The following BICD1 variants were observed in gnomAD, a reference collection of about 807,000 sequenced individuals.
BICD1 encodes the protein BICD cargo adaptor 1.
Under a neutral mutation model 92.5 loss-of-function variants are expected in BICD1, and 35 were observed. The ratio of observed to expected loss-of-function variants is 0.38; its 90% CI spans 0.29 to 0.50. BICD1 has a LOEUF of 0.50. Among genes scored for constraint, BICD1 ranks in the 20% least tolerant of loss-of-function variants. BICD1 has a pLI of 0.93. For missense variants in BICD1, 950 were observed against 1,189.8 expected (o/e 0.80, Z 2.97); for synonymous variants, 429 against 465.1 (o/e 0.92, Z 1.00).
chr12:32,130,397 G>A (rs1040543667), intron 1 of BICD1, among the ~76,000 whole-genome samples: 4 of 152,000 alleles, frequency 2.6e-5, no homozygotes, highest in Non-Finnish European at 5.9e-5. Flanking sequence ...TAGAGACGGG[G>A]TTTCACCGTG....
intron 1 of BICD1, among the ~76,000 whole-genome samples, chr12:32,155,087 A>G (rs1293290054): frequency 6.6e-6 from 1 of 152,138 alleles, no homozygotes; most frequent in African/African-American, 2.4e-5. Context: ...TTTGAATGAC[A>G]TTTATTATTT....
At position 32,334,684 on chromosome 12, in the gene BICD1, C is replaced by G; in HGVS notation, c.2252+17C>G. 6.2e-7 allele frequency: 1 copy of G among 1,600,952 alleles called. No homozygotes were observed. Among genetic ancestry groups the G allele is most frequent in the Non-Finnish European group, 8.5e-7 (1 of 1,174,924 alleles). On this transcript the variant is annotated intron_variant, in intron 6 of 9. Coordinates refer to ENST00000652176, the MANE Select transcript of BICD1 (RefSeq NM_001714.4). ...TGCAACAAGGTAACAGTATTTTCTTCCTATGACTGGGTGTGGTAGGTGGGG... is the reference window on the plus strand; with the variant it reads ...TGCAACAAGGTAACAGTATTTTCTTGCTATGACTGGGTGTGGTAGGTGGGG...
chr12:32,199,894 T>A (rs1944855735), intron 1 of BICD1, among the ~76,000 whole-genome samples: 2 of 152,146 alleles, frequency 1.3e-5, no homozygotes, highest in Non-Finnish European at 2.9e-5. Flanking sequence ...ATTCCTTTGT[T>A]ATTTTGTTAT....
rs1940180910 is a variant in BICD1 at position 32,381,574 on chromosome 12, G to GGAA, written c.*3951_*3953dup. On this transcript the variant is annotated 3_prime_UTR_variant, in exon 10 of 10. Coordinates refer to ENST00000652176, the MANE Select transcript of BICD1 (RefSeq NM_001714.4). ...AAATGGAGATCACAAAACATGAAAA[G>GGAA]GAAGAAATGAAATATCTTTTCTTCT... is the stretch of plus-strand genomic sequence containing the variant. 1.3e-5 allele frequency: 2 copies of GGAA among 152,004 alleles called. No individual in the cohort carries two copies. Among genetic ancestry groups the GGAA allele is most frequent in the Admixed American group, 1.3e-4 (2 of 15,248 alleles). 9.4% of individuals were successfully genotyped at this position (152,004 alleles called of 1,614,324 possible). A position where few individuals can be genotyped will look rare whatever the true frequency, so the allele number is the denominator to read the frequency against.
chr12:32,269,089 G>T (rs1177415574), intron 2 of BICD1, among the ~76,000 whole-genome samples: 1 of 152,050 alleles, frequency 6.6e-6, no homozygotes, highest in East Asian at 1.9e-4. Context: ...GATACTGCTG[G>T]TTCTGGGACC....
chr12:32,121,796 G>A (rs1166012067), intron 1 of BICD1, among the ~76,000 whole-genome samples: 1 of 143,594 alleles, frequency 7.0e-6, no homozygotes, highest in Non-Finnish European at 1.5e-5. Context: ...AACAACAGAA[G>A]ATCTCAGTTT....
chr12:32,190,845 G>C (rs1378685595), intron 1 of BICD1, among the ~76,000 whole-genome samples: 3 of 151,982 alleles, frequency 2.0e-5, no homozygotes, highest in Non-Finnish European at 4.4e-5. Context: ...TTATATGTTG[G>C]GCCACAAAAC....
At chr12:32,295,601 G>GA (rs1294478640) in intron 3 of BICD1, among the ~76,000 whole-genome samples, 2 of 147,604 alleles carry the variant, frequency 1.4e-5, no homozygotes, top group South Asian at 2.1e-4. Context: ...AGAGGGAAAA[G>GA]AAAAAAAATC....
At chr12:32,174,674 T>A (rs920681971) in intron 1 of BICD1, among the ~76,000 whole-genome samples, 1 of 152,258 alleles carries the variant, frequency 6.6e-6, no homozygotes, top group Non-Finnish European at 1.5e-5. Context: ...CTGATGTATT[T>A]ACAGGCCAGT....
intron 5 of BICD1, among the ~76,000 whole-genome samples, chr12:32,331,697 A>G (rs1030784656): frequency 1.3e-5 from 2 of 152,092 alleles, no homozygotes; most frequent in Non-Finnish European, 2.9e-5. Flanking sequence ...GGCTCATGTC[A>G]GCACTCAAAA....
chr12:32,154,807 A>G (rs1002099375), intron 1 of BICD1, among the ~76,000 whole-genome samples: 1 of 152,168 alleles, frequency 6.6e-6, no homozygotes, highest in Non-Finnish European at 1.5e-5. Flanking sequence ...TCCTGTACAA[A>G]ATCTAGCATA....
At chr12:32,147,997 T>G (rs1257319848) in intron 1 of BICD1, among the ~76,000 whole-genome samples, 2 of 151,262 alleles carry the variant, frequency 1.3e-5, no homozygotes, top group African/African-American at 2.4e-5. Context: ...GAAAAATTAG[T>G]CAGATGTGGT....
intron 2 of BICD1, among the ~76,000 whole-genome samples, chr12:32,264,922 T>G (rs1053579044): frequency 6.6e-6 from 1 of 152,334 alleles, no homozygotes; most frequent in East Asian, 1.9e-4. Context: ...CGTGATGTTT[T>G]GCAGAATAGG....
rs1341377138 is a variant in BICD1 at position 32,117,753 on chromosome 12, TATA to T, written c.213+10210_213+10212del. Among the ~76,000 whole-genome samples the T allele has an allele frequency of 6.4e-3, 670 of 104,112 alleles. 5 individuals are homozygous for T. Among genetic ancestry groups the T allele is most frequent in the African/African-American group, 0.016 (557 of 34,132 alleles). The allele number at this position is 104,112 out of a possible 152,430, so 68.3% of individuals were successfully genotyped here. ...ACACACACATATATATATATATATA[TATA>T]TATTTTTTTTTAAGACCATATTTCG... On this transcript the variant is annotated intron_variant, in intron 1 of 9. Transcript: ENST00000652176.
At chr12:32,305,573 ATTAT>A (rs1948189312) in intron 3 of BICD1, 120 bp from the exon 4 acceptor site, 1 of 800,596 alleles carries the variant, frequency 1.2e-6, no homozygotes, top group African/African-American at 1.7e-5. Context: ...TGTGCTTTTT[ATTAT>A]TTATTTTTTA....
chr12:32,127,719 C>T (rs1018474187), intron 1 of BICD1, among the ~76,000 whole-genome samples: 11 of 136,860 alleles, frequency 8.0e-5, no homozygotes, highest in Non-Finnish European at 1.3e-4. Flanking sequence ...CAAGTGTGAA[C>T]GAAGGCAGAT....
In BICD1 at chr12:32,213,042, T is replaced by C. The variant is rs190884219; in HGVS notation, c.214-3205T>C. Among the ~76,000 whole-genome samples, 40 of 152,342 alleles carry C rather than the reference T, an allele frequency of 2.6e-4. No homozygotes were observed. The East Asian group carries it at 6.0e-3, about 23-fold the overall frequency. ...ATGTTACCATCTTACATAATCATAG[T>C]ACAGTGAAGGAAACAGAAATTGACG... On this transcript the variant is annotated intron_variant, in intron 1 of 9. Transcript: ENST00000652176.
At chr12:32,340,048 T>C (rs960894758) in intron 8 of BICD1, 1 of 957,300 alleles carries the variant, frequency 1.0e-6, no homozygotes, top group South Asian at 4.8e-5. Flanking sequence ...TATTCTCTCC[T>C]GGCCCCTCCT....
chr12:32,183,264 CTTT>C (rs11296815), intron 1 of BICD1, among the ~76,000 whole-genome samples: 9 of 132,652 alleles, frequency 6.8e-5, no homozygotes, highest in Non-Finnish European at 8.1e-5. Context: ...CTAATAATTA[CTTT>C]TTTTTTTTTT....
Sources: gnomAD v4.1 joint callset for allele counts (sites outside exome capture counted in the v4.1 genomes callset) on GRCh38, gnomAD v4.1.1 for gene constraint, MANE v1.5 for transcripts, NCBI Gene and HGNC (gene_info 2026-07-23, HGNC 2026-07-21) for gene names.